CAST: variants seen among roughly 807,000 people sequenced by gnomAD.
The protein encoded by CAST is calpastatin.
Under a neutral mutation model 119.6 loss-of-function variants are expected in CAST, and 76 were observed. The observed-to-expected ratio is 0.64, with a 90% CI of 0.53 to 0.77. The LOEUF is 0.77. Ranked by LOEUF, CAST falls within the 30% of genes least tolerant of loss-of-function variation. CAST has a pLI of 0.00. For synonymous variants in CAST, 319 were observed against 331.6 expected (o/e 0.96, Z 0.41); for missense variants, 953 against 946.5 (o/e 1.01, Z -0.09).
chr5:96,032,067 G>T, the CAST span, among the ~76,000 whole-genome samples: 2 of 152,168 alleles, frequency 1.3e-5, no homozygotes, highest in Admixed American at 1.3e-4. Flanking sequence ...TTCCCCCAGA[G>T]TGAGTGCCCT....
At chr5:96,281,909 A>G in the CAST span, among the ~76,000 whole-genome samples, 36 of 152,198 alleles carry the variant, frequency 2.4e-4, no homozygotes, top group Non-Finnish European at 4.4e-4. Flanking sequence ...AACAATTAAC[A>G]TCTTCTGCTA....
At chr5:96,238,833 C>T in the CAST span, among the ~76,000 whole-genome samples, 1 of 151,950 alleles carries the variant, frequency 6.6e-6, no homozygotes, top group Non-Finnish European at 1.5e-5. Flanking sequence ...ATAATGAGAG[C>T]TAAATAATTA....
At chr5:96,248,837 T>G in the CAST span, among the ~76,000 whole-genome samples, 1 of 152,232 alleles carries the variant, frequency 6.6e-6, no homozygotes, top group East Asian at 1.9e-4. Flanking sequence ...ATTGAGTCAA[T>G]GTTTGGCTTC....
At chr5:96,412,059 C>G in the CAST span, among the ~76,000 whole-genome samples, 1 of 152,208 alleles carries the variant, frequency 6.6e-6, no homozygotes, top group African/African-American at 2.4e-5. Flanking sequence ...TGGGGTTTCT[C>G]CATATTGGCC....
At chr5:96,380,667 G>A in the CAST span, among the ~76,000 whole-genome samples, 1 of 152,136 alleles carries the variant, frequency 6.6e-6, no homozygotes, top group East Asian at 1.9e-4. Context: ...TGAAATTAAA[G>A]TTTCAGAAAA....
intron 1 of CAST, among the ~76,000 whole-genome samples, chr5:96,657,033 G>A (rs1422598982): frequency 6.9e-6 from 1 of 145,126 alleles, no homozygotes; most frequent in Admixed American, 6.9e-5. Flanking sequence ...GGAAACAAAT[G>A]CAGGGAAAGA....
chr5:96,540,248 G>A (rs186075153), intron 1 of CAST, among the ~76,000 whole-genome samples: 389 of 151,976 alleles, frequency 2.6e-3, no homozygotes, highest in Middle Eastern at 0.014. Context: ...GTTACTGGTC[G>A]TATTGCTTTT....
At chr5:96,555,881 T>C (rs1746228742) in intron 1 of CAST, among the ~76,000 whole-genome samples, 1 of 152,172 alleles carries the variant, frequency 6.6e-6, no homozygotes, top group South Asian at 2.1e-4. Flanking sequence ...AGAGTAGTGG[T>C]TCTCCCAGCA....
the CAST span, among the ~76,000 whole-genome samples, chr5:96,420,629 C>T: frequency 1.1e-4 from 17 of 151,988 alleles, no homozygotes; most frequent in African/African-American, 4.1e-4. Context: ...CCCAGCCTCC[C>T]ATCCTGGGGT....
the CAST span, among the ~76,000 whole-genome samples, chr5:96,506,984 A>G: frequency 1.3e-4 from 20 of 152,326 alleles, no homozygotes; most frequent in African/African-American, 4.6e-4. Flanking sequence ...TGCCCTCACT[A>G]AAGTGTGCAA....
chr5:95,961,863 G>A, the CAST span: 7 of 1,128,620 alleles, frequency 6.2e-6, no homozygotes, highest in African/African-American at 1.2e-4. Flanking sequence ...CGCGGAGCCA[G>A]ACCTCGGACT....
the CAST span, among the ~76,000 whole-genome samples, chr5:96,187,253 A>T: frequency 6.6e-6 from 1 of 151,680 alleles, no homozygotes; most frequent in African/African-American, 2.4e-5. Flanking sequence ...CTTCTTTATT[A>T]GTCTAGCTAG....
At chr5:96,541,797 T>C (rs1745918060) in intron 1 of CAST, among the ~76,000 whole-genome samples, 1 of 152,350 alleles carries the variant, frequency 6.6e-6, no homozygotes, top group East Asian at 1.9e-4. Context: ...GAGCTTGATA[T>C]CTCATTTCCG....
In CAST at chr5:96,743,814, C is replaced by T. The variant is rs116755710; in HGVS notation, c.1200+1058C>T. On this transcript the variant is annotated intron_variant, in intron 16 of 31. Coordinates refer to ENST00000675179, the MANE Select transcript of CAST (RefSeq NM_001750.7). ...TGAGATATACATTACTTAGAGTAGC[C>T]GACAGAAGCAGTGTCATCTTGAGGA... 5.9e-4 allele frequency: 601 copies of T among 1,026,474 alleles called. 1 individual carries two copies. The African/African-American group carries it at 8.1e-3, about 14-fold the overall frequency. The allele number at this position is 1,026,474 out of a possible 1,614,324, so 63.6% of individuals were successfully genotyped here. A position where few individuals can be genotyped will look rare whatever the true frequency, so the allele number is the denominator to read the frequency against.
the CAST span, among the ~76,000 whole-genome samples, chr5:96,480,778 T>C: frequency 6.6e-6 from 1 of 152,192 alleles, no homozygotes; most frequent in Admixed American, 6.5e-5. Context: ...GTCTATACTG[T>C]TAAGTTTTAC....
chr5:96,496,904 C>T, the CAST span, among the ~76,000 whole-genome samples: 306 of 151,856 alleles, frequency 2.0e-3, no homozygotes, highest in Non-Finnish European at 3.4e-3. Context: ...TACATGTGCA[C>T]GACGTGCAGG....
the CAST span, chr5:96,079,241 TCCCTA>T: frequency 5.0e-6 from 2 of 397,796 alleles, no homozygotes; most frequent in South Asian, 3.8e-5. Context: ...TTCATTTCAC[TCCCTA>T]CCCACACTCT....
At chr5:96,236,415 A>T in the CAST span, among the ~76,000 whole-genome samples, 1 of 152,324 alleles carries the variant, frequency 6.6e-6, no homozygotes, top group South Asian at 2.1e-4. Flanking sequence ...TGGTAGAGAC[A>T]GGAGCAAGGC....
chr5:96,083,870 G>T, the CAST span, among the ~76,000 whole-genome samples: 1 of 152,170 alleles, frequency 6.6e-6, no homozygotes, highest in Non-Finnish European at 1.5e-5. Flanking sequence ...GTGGTTCGGG[G>T]CACAGACTTG....
Sources: gnomAD v4.1 joint callset for allele counts (sites outside exome capture counted in the v4.1 genomes callset) on GRCh38, gnomAD v4.1.1 for gene constraint, MANE v1.5 for transcripts, NCBI Gene and HGNC (gene_info 2026-07-23, HGNC 2026-07-21) for gene names.